Variants in PGAP4 observed in about 807,000 individuals in gnomAD.
The protein encoded by PGAP4 is GPI-N-acetylgalactosamine transferase PGAP4.
PGAP4 carries 12 observed loss-of-function variants against 28.2 expected under a neutral mutation model. The ratio of observed to expected loss-of-function variants is 0.42; its 90% CI spans 0.27 to 0.69. PGAP4 has a LOEUF of 0.69. PGAP4 is among the 30% of genes least tolerant of loss of function. The pLI, the probability that PGAP4 is intolerant of heterozygous loss-of-function variation, is 0.22. For missense variants in PGAP4, 425 were observed against 513.5 expected (o/e 0.83, Z 1.67); for synonymous variants, 205 against 211.8 (o/e 0.97, Z 0.28).
rs1158894445 is a variant in PGAP4 at position 101,477,131 on chromosome 9, C to A, written c.-39G>T. The A allele has an allele frequency of 2.6e-5, 39 of 1,518,746 alleles. No homozygotes were observed. Among genetic ancestry groups the A allele is most frequent in the Non-Finnish European group, 3.3e-5 (38 of 1,136,418 alleles). 94.1% of individuals were successfully genotyped at this position (1,518,746 alleles called of 1,614,324 possible). A position where few individuals can be genotyped will look rare whatever the true frequency, so the allele number is the denominator to read the frequency against. The stretch of plus-strand genomic sequence containing the variant: ...GTTCATGTCTGGTCCCAAGAAAAAA[C>A]CATCCTGGAACTCAGGCCAGAGTCA... On this transcript the variant is annotated 5_prime_UTR_variant, in exon 2 of 2. Transcript: ENST00000374848.
intron 2 of PGAP4, among the ~76,000 whole-genome samples, chr9:101,498,115 T>C (rs1826767931): frequency 6.6e-6 from 1 of 151,888 alleles, no homozygotes; most frequent in African/African-American, 2.4e-5. Flanking sequence ...TTTAAAAACC[T>C]CTTTTATTCC....
At chr9:101,501,141 G>A (rs902461573) in intron 2 of PGAP4, among the ~76,000 whole-genome samples, 1 of 152,026 alleles carries the variant, frequency 6.6e-6, no homozygotes, top group African/African-American at 2.4e-5. Flanking sequence ...TCTCTCTCCA[G>A]GATATCCAGC....
At chr9:101,513,911 T>G (rs1030952617) in intron 2 of PGAP4, among the ~76,000 whole-genome samples, 3 of 152,098 alleles carry the variant, frequency 2.0e-5, no homozygotes, top group African/African-American at 4.8e-5. Context: ...TTGTGAGTCC[T>G]GGAGTTCCAA....
chr9:101,520,075 GT>G (rs1826976489), intron 2 of PGAP4, among the ~76,000 whole-genome samples: 1 of 152,144 alleles, frequency 6.6e-6, no homozygotes, highest in Admixed American at 6.6e-5. Flanking sequence ...ACTGGTCTAT[GT>G]GCCTATTTTT....
chr9:101,479,565 AT>A (rs1462346967), intron 1 of PGAP4, among the ~76,000 whole-genome samples: 1 of 152,220 alleles, frequency 6.6e-6, no homozygotes, highest in Non-Finnish European at 1.5e-5. Context: ...CAATAAAATC[AT>A]TAACATCTCA....
At chr9:101,480,469 A>G (rs1335291532) in intron 1 of PGAP4, among the ~76,000 whole-genome samples, 1 of 152,214 alleles carries the variant, frequency 6.6e-6, no homozygotes, top group Non-Finnish European at 1.5e-5. Flanking sequence ...CTCAAAAGTG[A>G]CACAGATCAC....
chr9:101,476,797 CG>C lies in PGAP4; in HGVS notation c.295del (p.Arg99GlyfsTer5), dbSNP rs765092936. The C allele has an allele frequency of 1.9e-6, 3 of 1,611,342 alleles. No homozygotes were observed. The highest frequency in any genetic ancestry group is 2.7e-5 in the African/African-American group (2 of 74,882). Reference protein sequence around the residue: ...SVPIVWQATPRPWLVITIITV... With the variant: ...SVPIVWQATPXPWLVITIITV... ...GATGATGGTGATCACCAGCCAGGGC[CG>C]GGGGGTGGCCTGCCAGACAATGGGC... On this transcript the variant is annotated frameshift_variant, in exon 2 of 2. Transcript: ENST00000374848. LOFTEE classifies it high-confidence loss of function. The surrounding 1 kb of genome is among the most constrained non-coding windows in gnomAD (Gnocchi z 7.0).
rs769427864 is a variant in PGAP4 at position 101,475,910 on chromosome 9, G to T, written c.1183C>A (p.Arg395=). 2 of 1,614,162 alleles carry T rather than the reference G, an allele frequency of 1.2e-6. No homozygotes were observed. Among genetic ancestry groups the T allele is most frequent in the South Asian group, 2.2e-5 (2 of 91,074 alleles). Residue 395 remains arginine, a synonymous_variant, in exon 2 of 2, where the codon CGG becomes AGG. Coordinates refer to ENST00000374848, the MANE Select transcript of PGAP4 (RefSeq NM_032342.3). ...VKHIGLFSSL[R]YNFHPSLL ...AGGAGACTGGGATGAAAGTTGTACC[G>T]GAGACTGGAGAAGAGCCCGATGTGT...
In PGAP4 at chr9:101,476,337, C is replaced by T. The variant is rs763625163; in HGVS notation, c.756G>A (p.Gln252=). 31 of 1,614,128 alleles carry T rather than the reference C, an allele frequency of 1.9e-5. No individual in the cohort carries two copies. Among genetic ancestry groups the T allele is most frequent in the Admixed American group, 1.7e-5 (1 of 60,020 alleles). The change falls in exon 2 of 2, where the codon CAG becomes CAA. Residue 252 remains glutamine, a synonymous_variant. Transcript: ENST00000374848. The surrounding 1 kb of genome is among the most constrained non-coding windows in gnomAD (Gnocchi z 7.0). ...GCATGGGCTCTGGATTGATGTAGTG[C>T]TGGAGCCTCTCGGGGTGATACAGCT... ...YLKLYHPERL[Q]HYINPEPMRI...
intron 1 of PGAP4, among the ~76,000 whole-genome samples, chr9:101,482,438 T>C (rs905342457): frequency 6.6e-6 from 1 of 152,158 alleles, no homozygotes; most frequent in Non-Finnish European, 1.5e-5. Context: ...AGTGAGACTG[T>C]GACGATGAAG....
At chr9:101,524,556 T>C (rs2118633975) in intron 2 of PGAP4, among the ~76,000 whole-genome samples, 1 of 152,344 alleles carries the variant, frequency 6.6e-6, no homozygotes, top group South Asian at 2.1e-4. Context: ...TGTGGAGTTT[T>C]AGCCCCTGCT....
chr9:101,515,462 C>T (rs1826935913), intron 2 of PGAP4, among the ~76,000 whole-genome samples: 1 of 152,042 alleles, frequency 6.6e-6, no homozygotes, highest in Non-Finnish European at 1.5e-5. Context: ...ACTTGGAATC[C>T]AGAATTTTAT....
intron 1 of PGAP4, chr9:101,532,583 G>T (rs754302751): frequency 1.3e-5 from 2 of 152,192 alleles, no homozygotes; most frequent in African/African-American, 2.4e-5. Context: ...TTCTATGAAT[G>T]AAAGGCTTGC....
chr9:101,528,788 T>C (rs1467860466), intron 2 of PGAP4, among the ~76,000 whole-genome samples: 1 of 151,250 alleles, frequency 6.6e-6, no homozygotes, highest in Non-Finnish European at 1.5e-5. Context: ...ACATAGACAC[T>C]TCTTAGTTTT....
At chr9:101,505,255 A>T (rs189987564) in intron 2 of PGAP4, among the ~76,000 whole-genome samples, 1 of 152,076 alleles carries the variant, frequency 6.6e-6, no homozygotes, top group Non-Finnish European at 1.5e-5. Context: ...TACAATAGCC[A>T]TATGTGGAAC....
upstream of PGAP4, among the ~76,000 whole-genome samples, chr9:101,491,623 T>A (rs1443520495): frequency 2.6e-5 from 4 of 151,882 alleles, no homozygotes; most frequent in African/African-American, 9.7e-5. Context: ...TAATTTATTC[T>A]TTATGCATGT....
rs760452245 is a variant in PGAP4 at position 101,473,268 on chromosome 9, T to G, written c.*2613A>C. 1 of 152,228 alleles carries G rather than the reference T, an allele frequency of 6.6e-6. No individual in the cohort carries two copies. The highest frequency in any genetic ancestry group is 1.9e-4 in the East Asian group (1 of 5,200). The allele number at this position is 152,228 out of a possible 1,614,324, so 9.4% of individuals were successfully genotyped here. ...TTAAGCCTGACCATAATTTAAACTC[T>G]GAAAGGTGAGTGAGCCTGTTAAGAG... On this transcript the variant is annotated 3_prime_UTR_variant, in exon 2 of 2. Coordinates refer to ENST00000374848, the MANE Select transcript of PGAP4 (RefSeq NM_032342.3).
upstream of PGAP4, among the ~76,000 whole-genome samples, chr9:101,490,718 C>T (rs1209281318): frequency 1.3e-5 from 2 of 152,132 alleles, no homozygotes; most frequent in Non-Finnish European, 2.9e-5. Flanking sequence ...CCTTTCTTTT[C>T]TTGTTCCAGT....
chr9:101,487,556 C>T (rs944734063), upstream of PGAP4, among the ~76,000 whole-genome samples: 58 of 152,194 alleles, frequency 3.8e-4, no homozygotes, highest in African/African-American at 1.3e-3. Flanking sequence ...CGGAATGATC[C>T]GAGGGAGGAA....
Sources: gnomAD v4.1 joint callset for allele counts (sites outside exome capture counted in the v4.1 genomes callset) on GRCh38, gnomAD v4.1.1 for gene constraint, Gnocchi (gnomAD v3.1) non-coding constraint, MANE v1.5 for transcripts, NCBI Gene and HGNC (gene_info 2026-07-23, HGNC 2026-07-21) for gene names.